The following SHC3 variants were observed in gnomAD, a reference collection of about 807,000 sequenced individuals.
SHC3 encodes the protein SHC-transforming protein 3.
SHC3 carries 15 observed loss-of-function variants against 60.4 expected under a neutral mutation model. The observed-to-expected ratio is 0.25, with a 90% CI of 0.17 to 0.38. The LOEUF is 0.38. Among genes scored for constraint, SHC3 ranks in the 10% least tolerant of loss-of-function variants. The pLI is 1.00. For missense variants in SHC3, 677 were observed against 786.1 expected, an observed-to-expected ratio of 0.86 and a Z score of 1.66; for synonymous variants, 294 against 325.9, an observed-to-expected ratio of 0.90 and a Z score of 1.05.
chr9:89,075,051 C>T (rs575804009), intron 4 of SHC3, 58 bp downstream of exon 4: 11 of 1,581,676 alleles, frequency 7.0e-6, no homozygotes, highest in African/African-American at 2.7e-5. Context: ...AAGAAGCCTG[C>T]GAAACACTCA....
intron 1 of SHC3, among the ~76,000 whole-genome samples, chr9:89,126,395 A>G (rs1453253834): frequency 6.6e-6 from 1 of 152,190 alleles, no homozygotes; most frequent in Non-Finnish European, 1.5e-5. Flanking sequence ...GTTTGGTACC[A>G]TGGGATATTA....
intron 11 of SHC3, among the ~76,000 whole-genome samples, chr9:89,026,236 A>G (rs1191542939): frequency 7.0e-6 from 1 of 143,332 alleles, no homozygotes; most frequent in African/African-American, 2.7e-5. Flanking sequence ...CCTGGGTGAC[A>G]AGAGTGAAAC....
At chr9:89,084,505 G>T (rs1417805111) in intron 2 of SHC3, among the ~76,000 whole-genome samples, 1 of 152,174 alleles carries the variant, frequency 6.6e-6, no homozygotes, top group African/African-American at 2.4e-5. Context: ...AGACAAAATT[G>T]AGGCTAATTT....
intron 11 of SHC3, among the ~76,000 whole-genome samples, chr9:89,035,856 T>TATATATATATATATATATATA (rs1317555722): frequency 2.2e-5 from 2 of 88,992 alleles, no homozygotes; most frequent in Non-Finnish European, 4.8e-5. Flanking sequence ...TATAGATGTG[T>TATATATATATATATATATATA]GTGTGTGTGT....
At chr9:89,106,601 A>T (rs956760255) in intron 2 of SHC3, among the ~76,000 whole-genome samples, 2 of 151,980 alleles carry the variant, frequency 1.3e-5, no homozygotes, top group Non-Finnish European at 2.9e-5. Context: ...CACTTCCCCA[A>T]AGGGCCCAGC....
At chr9:89,064,564 G>A (rs1349938207) in intron 6 of SHC3, among the ~76,000 whole-genome samples, 5 of 152,138 alleles carry the variant, frequency 3.3e-5, no homozygotes, top group African/African-American at 1.2e-4. Context: ...CATCTGAAGA[G>A]CTTTTAGAAA....
chr9:89,092,291 A>G lies in SHC3; in HGVS notation c.546-14388T>C, dbSNP rs145230631. Among the ~76,000 whole-genome samples, 735 of 152,282 alleles carry G rather than the reference A, an allele frequency of 4.8e-3. 7 individuals carry two copies. The highest frequency in any genetic ancestry group is 0.017 in the African/African-American group (709 of 41,544). On this transcript the variant is annotated intron_variant, in intron 2 of 11. Coordinates refer to ENST00000375835, the MANE Select transcript of SHC3 (RefSeq NM_016848.6). ...AGCAAAACCAGGAATTGTTGACTAT[A>G]TTATCATACAGCCATATGATTTGCA... is the stretch of plus-strand genomic sequence containing the variant.
chr9:89,089,292 C>A (rs563752168), intron 2 of SHC3, among the ~76,000 whole-genome samples: 2 of 152,272 alleles, frequency 1.3e-5, no homozygotes, highest in Non-Finnish European at 2.9e-5. Flanking sequence ...AAAGAGGAAA[C>A]CTTAGAAAGG....
intron 11 of SHC3, among the ~76,000 whole-genome samples, chr9:89,029,520 G>A (rs141920969): frequency 1.4e-4 from 22 of 152,202 alleles, no homozygotes; most frequent in African/African-American, 3.4e-4. Flanking sequence ...CACCTCTTCC[G>A]AGAAAGGCAC....
At chr9:89,130,789 C>T (rs1280182226) in intron 1 of SHC3, among the ~76,000 whole-genome samples, 1 of 151,850 alleles carries the variant, frequency 6.6e-6, no homozygotes. Context: ...GCACTAAATG[C>T]CCACAAGAGA....
chr9:89,006,464 T>G lies in SHC3; in HGVS notation c.*6983A>C, dbSNP rs979891170. Reference sequence around the variant, plus strand: ...TCAGGGATGTCAAAAAAGCCAGTTCTGTTCCAGCACAAAGTAGAAAGTGGT... The same window carrying G: ...TCAGGGATGTCAAAAAAGCCAGTTCGGTTCCAGCACAAAGTAGAAAGTGGT... On this transcript the variant is annotated 3_prime_UTR_variant, in exon 12 of 12. Transcript: ENST00000375835. The G allele has an allele frequency of 2.0e-5, 3 of 152,268 alleles. No homozygotes were observed. The highest frequency in any genetic ancestry group is 7.2e-5 in the African/African-American group (3 of 41,476). The allele number at this position is 152,268 out of a possible 1,614,324, so 9.4% of individuals were successfully genotyped here. A position where few individuals can be genotyped will look rare whatever the true frequency, so the allele number is the denominator to read the frequency against.
intron 1 of SHC3, among the ~76,000 whole-genome samples, chr9:89,136,398 G>T (rs1826319982): frequency 1.3e-5 from 2 of 152,162 alleles, no homozygotes; most frequent in South Asian, 4.1e-4. Flanking sequence ...TGATAAAACA[G>T]CTTATAGCAG....
At chr9:89,061,424 A>C (rs996421562) in intron 6 of SHC3, among the ~76,000 whole-genome samples, 3 of 152,254 alleles carry the variant, frequency 2.0e-5, no homozygotes, top group Non-Finnish European at 4.4e-5. Flanking sequence ...CGAGAAGCCC[A>C]GAAGAGGCAA....
In SHC3 at chr9:89,074,507, A is replaced by T. The variant is rs552731949; in HGVS notation, c.729+602T>A. On this transcript the variant is annotated intron_variant, in intron 4 of 11. Transcript: ENST00000375835. ...GATGACTAGATCAGAGAAATCTAAA[A>T]GATAGACATTGTGCAGGAACGCAAC... Among the ~76,000 whole-genome samples the T allele has an allele frequency of 1.8e-4, 27 of 152,296 alleles. 1 individual carries two copies. Among genetic ancestry groups the T allele is most frequent in the African/African-American group, 6.3e-4 (26 of 41,558 alleles).
chr9:89,049,725 T>C (rs909139117), intron 7 of SHC3, among the ~76,000 whole-genome samples: 21 of 152,240 alleles, frequency 1.4e-4, no homozygotes, highest in African/African-American at 4.8e-4. Context: ...GTAAACAGAC[T>C]GTAGCCTACT....
chr9:89,059,753 ATGGTGGTGGAG>A (rs1564109393), intron 6 of SHC3, among the ~76,000 whole-genome samples: 125 of 43,500 alleles, frequency 2.9e-3, no homozygotes, highest in Non-Finnish European at 3.4e-3. Context: ...GTGGTGGAGG[ATGGTGGTGGAG>A]GATGGTGGTG....
chr9:89,125,850 C>A (rs1826156535), intron 1 of SHC3, among the ~76,000 whole-genome samples: 3 of 152,150 alleles, frequency 2.0e-5, no homozygotes, highest in African/African-American at 7.2e-5. Flanking sequence ...AATTATCTAC[C>A]CATTGTTCAG....
At chr9:89,129,820 C>A (rs1038290910) in intron 1 of SHC3, among the ~76,000 whole-genome samples, 1 of 152,118 alleles carries the variant, frequency 6.6e-6, no homozygotes, top group Non-Finnish European at 1.5e-5. Flanking sequence ...ATTGTAAAGA[C>A]CATCAATGAT....
At chr9:89,173,509 T>G (rs577946409) in intron 1 of SHC3, among the ~76,000 whole-genome samples, 7 of 152,272 alleles carry the variant, frequency 4.6e-5, no homozygotes, top group Non-Finnish European at 1.0e-4. Context: ...CTTATCTTTT[T>G]CTTAAACATG....
Sources: allele counts gnomAD v4.1 joint callset (sites outside exome capture counted in the v4.1 genomes callset), GRCh38; gene constraint gnomAD v4.1.1; transcripts MANE v1.5; gene names NCBI Gene and HGNC (gene_info 2026-07-23, HGNC 2026-07-21).